GRM5: variants seen among roughly 807,000 people sequenced by gnomAD.
GRM5 encodes the protein metabotropic glutamate receptor 5.
Under a neutral mutation model 83.1 loss-of-function variants are expected in GRM5, and 19 were observed. The ratio of observed to expected loss-of-function variants is 0.23; its 90% CI spans 0.16 to 0.34. The LOEUF (loss-of-function observed/expected upper bound fraction) is 0.34, where lower values mean the gene tolerates loss of function less well. Among genes scored for constraint, GRM5 ranks in the 10% least tolerant of loss-of-function variants. The pLI, the probability that GRM5 is intolerant of heterozygous loss-of-function variation, is 1.00. For missense variants in GRM5, 1,160 were observed against 1,588.3 expected, an observed-to-expected ratio of 0.73 and a Z score of 4.58; for synonymous variants, 675 against 633.6, an observed-to-expected ratio of 1.07 and a Z score of -0.98.
At chr11:88,591,776 G>A (rs1380754848) in intron 6 of GRM5, among the ~76,000 whole-genome samples, 1 of 152,148 alleles carries the variant, frequency 6.6e-6, no homozygotes, top group African/African-American at 2.4e-5. Context: ...AATGGCAAAA[G>A]GGCCTGAAAT....
At chr11:88,867,822 A>T (rs1412244689) in intron 2 of GRM5, among the ~76,000 whole-genome samples, 1 of 151,780 alleles carries the variant, frequency 6.6e-6, no homozygotes, top group Non-Finnish European at 1.5e-5. Context: ...CAGCCTCTAA[A>T]CTATAAGGAA....
chr11:88,598,039 T>G (rs1360738809), intron 5 of GRM5, among the ~76,000 whole-genome samples: 1 of 152,118 alleles, frequency 6.6e-6, no homozygotes, highest in Admixed American at 6.5e-5. Context: ...CCTTTTCTTA[T>G]AAGTAAGCTC....
At chr11:88,993,071 C>T (rs988630495) in intron 2 of GRM5, among the ~76,000 whole-genome samples, 1 of 150,428 alleles carries the variant, frequency 6.6e-6, no homozygotes, top group African/African-American at 2.4e-5. Context: ...AAAAGATCAT[C>T]CTATCTAACA....
chr11:88,957,931 T>C (rs1205897952), intron 2 of GRM5, among the ~76,000 whole-genome samples: 5 of 152,304 alleles, frequency 3.3e-5, no homozygotes, highest in African/African-American at 1.2e-4. Flanking sequence ...AAATTCTAAT[T>C]GTGTTTTATC....
At chr11:88,874,655 C>T (rs1438761692) in intron 2 of GRM5, among the ~76,000 whole-genome samples, 2 of 151,714 alleles carry the variant, frequency 1.3e-5, no homozygotes, top group African/African-American at 4.8e-5. Context: ...GAAGAGACAA[C>T]CTGCAGAATG....
At chr11:88,801,232 G>T (rs920721452) in intron 3 of GRM5, among the ~76,000 whole-genome samples, 6 of 152,138 alleles carry the variant, frequency 3.9e-5, no homozygotes, top group Admixed American at 3.3e-4. Context: ...ACATTGCCAT[G>T]TAGATACTGA....
At chr11:88,748,450 C>T (rs947842702) in intron 3 of GRM5, among the ~76,000 whole-genome samples, 1 of 152,080 alleles carries the variant, frequency 6.6e-6, no homozygotes, top group Non-Finnish European at 1.5e-5. Flanking sequence ...TGAGATGGGT[C>T]TGAGTTCCCA....
At chr11:88,653,978 A>G (rs1478030383) in intron 3 of GRM5, among the ~76,000 whole-genome samples, 1 of 152,034 alleles carries the variant, frequency 6.6e-6, no homozygotes, top group Non-Finnish European at 1.5e-5. Context: ...CTCGAACTGA[A>G]ATCTTTGTAG....
At chr11:88,691,448 C>T (rs1488932626) in intron 3 of GRM5, among the ~76,000 whole-genome samples, 1 of 152,130 alleles carries the variant, frequency 6.6e-6, no homozygotes, top group East Asian at 1.9e-4. Context: ...AATCACTATG[C>T]AGCCAAAGCA....
intron 3 of GRM5, among the ~76,000 whole-genome samples, chr11:88,799,760 A>C (rs1943354061): frequency 6.6e-6 from 1 of 152,088 alleles, no homozygotes; most frequent in African/African-American, 2.4e-5. Flanking sequence ...TACGATAATA[A>C]AAGTCAGAAG....
At chr11:89,046,643 T>A (rs1473621217) in intron 2 of GRM5, among the ~76,000 whole-genome samples, 3 of 152,226 alleles carry the variant, frequency 2.0e-5, no homozygotes, top group African/African-American at 7.2e-5. Context: ...CTCAAATATG[T>A]TCTATACAAG....
intron 2 of GRM5, among the ~76,000 whole-genome samples, chr11:88,937,026 T>G (rs1937922667): frequency 1.3e-5 from 2 of 151,668 alleles, no homozygotes; most frequent in Non-Finnish European, 3.0e-5. Context: ...TATGGTATAA[T>G]TTACAATTTA....
intron 3 of GRM5, among the ~76,000 whole-genome samples, chr11:88,770,403 T>C (rs1942710194): frequency 6.6e-6 from 1 of 152,106 alleles, no homozygotes; most frequent in African/African-American, 2.4e-5. Flanking sequence ...ACTAATGTAA[T>C]GTGTTAATAA....
intron 2 of GRM5, among the ~76,000 whole-genome samples, chr11:88,963,499 C>G (rs1419008591): frequency 2.6e-5 from 4 of 152,124 alleles, no homozygotes; most frequent in Admixed American, 2.0e-4. Flanking sequence ...ACTTGCCATC[C>G]CTTTTATCTT....
intron 3 of GRM5, among the ~76,000 whole-genome samples, chr11:88,799,879 A>G (rs753209309): frequency 6.6e-6 from 1 of 152,172 alleles, no homozygotes; most frequent in Non-Finnish European, 1.5e-5. Context: ...GCACATATCA[A>G]TAATCCCAAT....
intron 3 of GRM5, among the ~76,000 whole-genome samples, chr11:88,700,378 G>T (rs1432831754): frequency 1.3e-5 from 2 of 152,056 alleles, no homozygotes; most frequent in African/African-American, 4.8e-5. Flanking sequence ...GGTGATACAT[G>T]GATCTGAAAG....
intron 1 of GRM5, among the ~76,000 whole-genome samples, chr11:89,058,982 T>G (rs1941933641): frequency 6.6e-6 from 1 of 152,016 alleles, no homozygotes; most frequent in Non-Finnish European, 1.5e-5. Context: ...AATTCTACAT[T>G]ACTATGCATT....
At chr11:88,943,269 A>T (rs149560463) in intron 2 of GRM5, among the ~76,000 whole-genome samples, 2 of 152,018 alleles carry the variant, frequency 1.3e-5, no homozygotes, top group African/African-American at 4.8e-5. Flanking sequence ...TCATTTGTGA[A>T]GACTGTATTC....
chr11:88,528,237 T>A (rs1376244530), intron 8 of GRM5, among the ~76,000 whole-genome samples: 2 of 152,050 alleles, frequency 1.3e-5, no homozygotes, highest in Admixed American at 6.6e-5. Flanking sequence ...TATCTTAGAC[T>A]TTTTGGAACT....
Sources: allele counts gnomAD v4.1 joint callset (sites outside exome capture counted in the v4.1 genomes callset), GRCh38; gene constraint gnomAD v4.1.1; transcripts MANE v1.5; gene names NCBI Gene and HGNC (gene_info 2026-07-23, HGNC 2026-07-21).